IQGAP1: variants seen among roughly 807,000 people sequenced by gnomAD.
IQGAP1 encodes ras GTPase-activating-like protein IQGAP1.
In IQGAP1, 66 loss-of-function variants were observed where a neutral mutation model predicts 215.6. The ratio of observed to expected loss-of-function variants is 0.31; its 90% confidence interval spans 0.25 to 0.38. IQGAP1 has a LOEUF of 0.38. IQGAP1 is among the 10% of genes least tolerant of loss of function. The pLI is 1.00. For synonymous variants in IQGAP1, 772 were observed against 728.7 expected (o/e 1.06, Z -0.96); for missense variants, 1,712 against 1,997.1 (o/e 0.86, Z 2.72).
chr15:90,491,402 A>G lies in IQGAP1; in HGVS notation c.4318A>G (p.Lys1440Glu). 1.2e-6 allele frequency: 2 copies of G among 1,614,188 alleles called. No homozygotes were observed. Among genetic ancestry groups the G allele is most frequent in the Admixed American group, 1.7e-5 (1 of 60,024 alleles). Residue 1440 changes from lysine to glutamate, a missense_variant, in exon 34 of 38, where the codon AAG (lysine) becomes GAG (glutamate). Around this residue, in one of 2 missense-constraint regions of IQGAP1, gnomAD observed 691 missense variants for 923.0 expected, o/e 0.75. Transcript: ENST00000268182. ...TGCCAAAACACCTGACAAGATGAAAAAGTCAAAATCTGTAAAGGAAGACAG... is the reference window on the plus strand; with the variant it reads ...TGCCAAAACACCTGACAAGATGAAAGAGTCAAAATCTGTAAAGGAAGACAG... ...RDAKTPDKMK[K>E]SKSVKEDSNL...
chr15:90,449,515 A>T, intron 10 of IQGAP1, 44 bp from the exon 11 acceptor site: 1 of 1,504,032 alleles, frequency 6.6e-7, no homozygotes, highest in Non-Finnish European at 9.1e-7. Flanking sequence ...GCCTGGAGTC[A>T]TAGGAATGAG....
intron 33 of IQGAP1, among the ~76,000 whole-genome samples, chr15:90,490,284 T>C (rs1167857331): frequency 6.6e-6 from 1 of 152,044 alleles, no homozygotes; most frequent in Non-Finnish European, 1.5e-5. Context: ...TACCAAACCA[T>C]GCATAGAGCA....
intron 23 of IQGAP1, among the ~76,000 whole-genome samples, chr15:90,475,121 C>T (rs1010020248): frequency 6.6e-6 from 1 of 151,758 alleles, no homozygotes; most frequent in Non-Finnish European, 1.5e-5. Context: ...GCCTCAGCCT[C>T]CCAAGTAGCT....
intron 18 of IQGAP1, among the ~76,000 whole-genome samples, chr15:90,471,163 A>G (rs1278556375): frequency 6.6e-6 from 1 of 152,096 alleles, no homozygotes; most frequent in Non-Finnish European, 1.5e-5. Context: ...AGGCTGCAAT[A>G]GTGTATAAGG....
In IQGAP1 at chr15:90,485,909, T is replaced by G. The variant is rs937302499; in HGVS notation, c.3922-121T>G. 14 of 684,324 alleles carry G rather than the reference T, an allele frequency of 2.0e-5. No homozygotes were observed. The African/African-American group carries it at 2.3e-4, about 11-fold the overall frequency. The allele number at this position is 684,324 out of a possible 1,614,324, so 42.4% of individuals were successfully genotyped here. Reference sequence around the variant, plus strand: ...GTTAGTTTGCTGAGGATTTGCTTGTTGTTTCTTTGAATATAGGAACTTTGT... The same window carrying G: ...GTTAGTTTGCTGAGGATTTGCTTGTGGTTTCTTTGAATATAGGAACTTTGT... On this transcript the variant is annotated intron_variant, in intron 30 of 37. Transcript: ENST00000268182.
rs138095090 is a variant in IQGAP1, at chr15:90,496,572, C to T, written c.4752-660C>T. The T allele has an allele frequency of 9.4e-3, 1,433 of 152,286 alleles. 24 individuals carry two copies. Among genetic ancestry groups the T allele is most frequent in the African/African-American group, 0.033 (1,363 of 41,522 alleles). The allele number at this position is 152,286 out of a possible 1,614,324, so 9.4% of individuals were successfully genotyped here. Reference sequence around the variant, plus strand: ...ATCTGACCTCGTGATCCGCCCGCCTCGGTCTCCCAAAGTGCTGGGATTACA... The same window carrying T: ...ATCTGACCTCGTGATCCGCCCGCCTTGGTCTCCCAAAGTGCTGGGATTACA... On this transcript the variant is annotated intron_variant, in intron 36 of 37. Transcript: ENST00000268182.
chr15:90,451,834 T>C (rs1031789448), intron 11 of IQGAP1, among the ~76,000 whole-genome samples: 13 of 134,880 alleles, frequency 9.6e-5, no homozygotes, highest in Admixed American at 2.9e-4. Context: ...CTGTGTGCCC[T>C]TTTTTTTTTT....
Position 90,456,213 on chromosome 15 carries a change from G to T in IQGAP1, c.1674G>T (p.Leu558=), listed in dbSNP as rs755194403. The change falls in exon 15 of 38, where the codon CTG becomes CTT. Residue 558 remains leucine, a synonymous_variant. Transcript: ENST00000268182. ...ATGAAGGTGATGCCCAAAAGACTCT[G>T]CAGGCCCTACAGATTCCTGCAGCTA... ...ALDEGDAQKT[L]QALQIPAAKL... is the part of the protein sequence containing the mutation. The T allele has an allele frequency of 7.4e-6, 12 of 1,614,088 alleles. No individual in the cohort carries two copies. The South Asian group carries it at 1.3e-4, about 18-fold the overall frequency.
rs57169094 is a variant in IQGAP1 at position 90,441,702 on chromosome 15, A to T, written c.828+18A>T. On this transcript the variant is annotated intron_variant, in intron 8 of 37. Coordinates refer to ENST00000268182, the MANE Select transcript of IQGAP1 (RefSeq NM_003870.4). ...AAAACAGGGTAAAAATGCAACATCTATTCTTTCTAATTAATTTATATTATT... is the reference window on the plus strand; with the variant it reads ...AAAACAGGGTAAAAATGCAACATCTTTTCTTTCTAATTAATTTATATTATT... 2 of 1,514,554 alleles carry T rather than the reference A, an allele frequency of 1.3e-6. No homozygotes were observed. Among genetic ancestry groups the T allele is most frequent in the South Asian group, 2.3e-5 (2 of 85,690 alleles). The allele number at this position is 1,514,554 out of a possible 1,614,324, so 93.8% of individuals were successfully genotyped here. A position where few individuals can be genotyped will look rare whatever the true frequency, so the allele number is the denominator to read the frequency against.
intron 17 of IQGAP1, 91 bp from the exon 18 acceptor site, chr15:90,467,359 T>C (rs1596281185): frequency 1.5e-6 from 2 of 1,328,212 alleles, no homozygotes; most frequent in Non-Finnish European, 2.1e-6. Flanking sequence ...TCATTTAGAC[T>C]GTGAGACTAA....
chr15:90,461,140 C>T (rs2151027048), intron 15 of IQGAP1, among the ~76,000 whole-genome samples: 1 of 152,018 alleles, frequency 6.6e-6, no homozygotes, highest in Admixed American at 6.5e-5. Context: ...AACTCCATCT[C>T]TACTAAAAAT....
chr15:90,416,872 C>T lies in IQGAP1; in HGVS notation c.156-9238C>T, dbSNP rs548542697. ...GATTACAGACGTGAGCCGCTGTGCCCAGCCTGTTTCTTAACTTTTTAATGA... is the reference window on the plus strand; with the variant it reads ...GATTACAGACGTGAGCCGCTGTGCCTAGCCTGTTTCTTAACTTTTTAATGA... On this transcript the variant is annotated intron_variant, in intron 2 of 37. Coordinates refer to ENST00000268182, the MANE Select transcript of IQGAP1 (RefSeq NM_003870.4). Among the ~76,000 whole-genome samples the T allele has an allele frequency of 2.5e-3, 379 of 152,212 alleles. 5 individuals are homozygous for T. The highest frequency in any genetic ancestry group is 1.0e-3 in the Non-Finnish European group (70 of 68,000).
chr15:90,479,776 G>T (rs1215104631), intron 26 of IQGAP1, among the ~76,000 whole-genome samples: 1 of 152,020 alleles, frequency 6.6e-6, no homozygotes, highest in African/African-American at 2.4e-5. Flanking sequence ...TTTGGCATCT[G>T]ATTGGTTCTC....
chr15:90,452,633 G>C (rs974915087), intron 11 of IQGAP1, 142 bp from the exon 12 acceptor site: 1 of 836,974 alleles, frequency 1.2e-6, no homozygotes, highest in African/African-American at 1.7e-5. Context: ...AAAGGAGGCT[G>C]CTTTTTTAAA....
chr15:90,477,023 C>G, intron 24 of IQGAP1, 44 bp from the exon 25 acceptor site: 1 of 1,572,670 alleles, frequency 6.4e-7, no homozygotes, highest in Non-Finnish European at 8.7e-7. Flanking sequence ...TCTTGCCAGC[C>G]TTTATATTAC....
chr15:90,391,931 A>G (rs1264321205), intron 2 of IQGAP1: 1 of 152,182 alleles, frequency 6.6e-6, no homozygotes, highest in African/African-American at 2.4e-5. Context: ...GGTGCTAATA[A>G]ACAAGTGTGT....
chr15:90,423,519 C>T (rs1363535344), intron 2 of IQGAP1, among the ~76,000 whole-genome samples: 2 of 152,172 alleles, frequency 1.3e-5, no homozygotes, highest in Non-Finnish European at 2.9e-5. Flanking sequence ...AGGTGTGAGC[C>T]ACTGCATCCT....
intron 28 of IQGAP1, chr15:90,482,691 C>G: frequency 1.0e-6 from 1 of 984,966 alleles, no homozygotes; most frequent in Non-Finnish European, 1.2e-6. Context: ...CTTTTTTCTT[C>G]TCTCTCCTAG....
chr15:90,493,725 G>T (rs1966237293), intron 35 of IQGAP1, among the ~76,000 whole-genome samples: 1 of 152,204 alleles, frequency 6.6e-6, no homozygotes, highest in Non-Finnish European at 1.5e-5. Context: ...TCAGGCATGG[G>T]TGATGGAAGG....
Sources: allele counts gnomAD v4.1 joint callset (sites outside exome capture counted in the v4.1 genomes callset), GRCh38; gene constraint gnomAD v4.1.1; regional missense constraint gnomAD v4.1.1; transcripts MANE v1.5; gene names NCBI Gene and HGNC (gene_info 2026-07-23, HGNC 2026-07-21).